SGK2: variants seen among roughly 807,000 people sequenced by gnomAD.
The protein encoded by SGK2 is serum/glucocorticoid regulated kinase 2.
In SGK2, 36 loss-of-function variants were observed where a neutral mutation model predicts 47.5. The observed-to-expected ratio is 0.76, with a 90% CI of 0.58 to 1.00. SGK2 has a LOEUF of 1.00. Ranked by LOEUF, SGK2 falls within the 50% of genes least tolerant of loss-of-function variation. SGK2 has a pLI of 0.00. For synonymous variants in SGK2, 157 were observed against 181.9 expected (o/e 0.86, Z 1.10); for missense variants, 404 against 467.4 (o/e 0.86, Z 1.25).
At chr20:43,576,527 G>A in intron 11 of SGK2, 148 bp downstream of exon 11, 2 of 647,774 alleles carry the variant, frequency 3.1e-6, no homozygotes, top group Non-Finnish European at 5.3e-6. Flanking sequence ...ACTGCTACTA[G>A]CTGACTACTT....
chr20:43,583,120 T>G, intron 12 of SGK2: 7 of 1,205,190 alleles, frequency 5.8e-6, no homozygotes, highest in Non-Finnish European at 7.6e-6. Context: ...AATTCACCAT[T>G]TACATTTCTC....
chr20:43,569,582 C>G, intron 6 of SGK2, 66 bp downstream of exon 6: 1 of 1,560,850 alleles, frequency 6.4e-7, no homozygotes, highest in South Asian at 1.1e-5. Flanking sequence ...ATCCCACATG[C>G]CCACTGCATG....
Position 43,569,327 on chromosome 20 carries a change from G to A in SGK2, c.229-58G>A, listed in dbSNP as rs572252291. The A allele has an allele frequency of 4.8e-4, 760 of 1,598,610 alleles. 10 individuals carry two copies. The South Asian group carries it at 7.0e-3, about 15-fold the overall frequency. Reference sequence around the variant, plus strand: ...CCCACAAGCTTATATGGGCTGAGCCGGGATAAAAGAGGCTGTTGTGGGCTG... The same window carrying A: ...CCCACAAGCTTATATGGGCTGAGCCAGGATAAAAGAGGCTGTTGTGGGCTG... On this transcript the variant is annotated intron_variant, in intron 5 of 12. Transcript: ENST00000373100.
chr20:43,573,019 C>T (rs1382295658), intron 9 of SGK2, among the ~76,000 whole-genome samples: 2 of 152,190 alleles, frequency 1.3e-5, no homozygotes, highest in African/African-American at 4.8e-5. Flanking sequence ...GTGAAGGCCA[C>T]GTGCAACAAG....
At chr20:43,568,745 A>G (rs1436121076) in intron 5 of SGK2, among the ~76,000 whole-genome samples, 1 of 152,222 alleles carries the variant, frequency 6.6e-6, no homozygotes, top group East Asian at 1.9e-4. Flanking sequence ...TGCTGGGATT[A>G]CAGGCATGAG....
chr20:43,584,935 T>C lies in SGK2; in HGVS notation c.1023T>C (p.Thr341=), dbSNP rs1981008547. 6.2e-7 allele frequency: 1 copy of C among 1,614,032 alleles called. No homozygotes were observed. The highest frequency in any genetic ancestry group is 1.3e-5 in the African/African-American group (1 of 74,928). ...AGTCCATTGGCTGTACCCCTGACACTGTGGCCAGCAGCTCTGGGGCCTCAA... is the reference window on the plus strand; with the variant it reads ...AGTCCATTGGCTGTACCCCTGACACCGTGGCCAGCAGCTCTGGGGCCTCAA... ...VSKSIGCTPD[T]VASSSGASSA... The change falls in exon 13 of 13, where the codon ACT becomes ACC. Residue 341 remains threonine (T), a synonymous_variant. Transcript: ENST00000373100.
Position 43,566,506 on chromosome 20 carries a change from G to A in SGK2, c.11G>A (p.Ser4Asn). The stretch of plus-strand genomic sequence containing the variant: ...GATCATTGCTACAGAATGAACTCTA[G>A]CCCAGCTGGGACCCCAAGTCCACAG... MNS[S>N]PAGTPSPQPS... The change falls in exon 2 of 13, where the codon AGC becomes AAC. Residue 4 changes from serine (S) to asparagine (N), a missense_variant. Physicochemically the swap from Ser to Asn is conservative, Grantham distance 46 (BLOSUM62 1). Coordinates refer to ENST00000373100, the MANE Select transcript of SGK2 (RefSeq NM_170693.3). The A allele has an allele frequency of 6.2e-7, 1 of 1,613,884 alleles. No homozygotes were observed. The highest frequency in any genetic ancestry group is 2.2e-5 in the East Asian group (1 of 44,868).
chr20:43,563,269 G>C (rs946220314), intron 1 of SGK2, among the ~76,000 whole-genome samples: 3 of 152,138 alleles, frequency 2.0e-5, no homozygotes, highest in Non-Finnish European at 4.4e-5. Context: ...TAAGCCCTGG[G>C]ATAGGCCTGT....
chr20:43,582,810 C>T (rs1980881103), intron 12 of SGK2, among the ~76,000 whole-genome samples: 1 of 152,192 alleles, frequency 6.6e-6, no homozygotes, highest in Non-Finnish European at 1.5e-5. Flanking sequence ...GCCCCAGCCT[C>T]CCGAGTAGCT....
chr20:43,569,352 G>GTGACA, intron 5 of SGK2, 33 bp from the exon 6 acceptor site: 1 of 1,610,932 alleles, frequency 6.2e-7, no homozygotes. Context: ...GTTGTGGGCT[G>GTGACA]TGACATGGAC....
chr20:43,574,630 G>A (rs1283025769), intron 9 of SGK2, among the ~76,000 whole-genome samples: 1 of 152,206 alleles, frequency 6.6e-6, no homozygotes, highest in African/African-American at 2.4e-5. Context: ...CATGAGTGCA[G>A]CCCCCTTTAC....
chr20:43,566,468 C>G lies in SGK2; in HGVS notation c.-23-5C>G. 1 of 1,614,092 alleles carries G rather than the reference C, an allele frequency of 6.2e-7. No individual in the cohort carries two copies. Among genetic ancestry groups the G allele is most frequent in the Non-Finnish European group, 8.5e-7 (1 of 1,180,006 alleles). On this transcript the variant is annotated splice_polypyrimidine_tract_variant and splice_region_variant and intron_variant, in intron 1 of 12. Coordinates refer to ENST00000373100, the MANE Select transcript of SGK2 (RefSeq NM_170693.3). ...TCTCATGCCTGCTCCTCCCTGTCCCCCCAGAGCTGCCTGATCATTGCTACA... is the reference window on the plus strand; with the variant it reads ...TCTCATGCCTGCTCCTCCCTGTCCCGCCAGAGCTGCCTGATCATTGCTACA...
chr20:43,579,853 A>G (rs1358202468), intron 11 of SGK2, 119 bp from the exon 12 acceptor site: 3 of 744,460 alleles, frequency 4.0e-6, no homozygotes, highest in South Asian at 1.5e-5. Flanking sequence ...CAGAACTGCA[A>G]GTTAATTTCC....
Position 43,559,771 on chromosome 20 carries a change from G to A in SGK2, c.-24+612G>A, listed in dbSNP as rs541615232. ...AAGGTGAGCTGGAAAGACCAGGTTTGTTGGGGAATGTTCCAAGGAGAGAGA... is the reference window on the plus strand; with the variant it reads ...AAGGTGAGCTGGAAAGACCAGGTTTATTGGGGAATGTTCCAAGGAGAGAGA... On this transcript the variant is annotated intron_variant, in intron 1 of 12. Transcript: ENST00000373100. 2.6e-5 allele frequency among the ~76,000 whole-genome samples: 4 copies of A among 152,304 alleles called. No homozygotes were observed. In the East Asian group the frequency reaches 7.7e-4, roughly 29 times the overall value.
At chr20:43,559,636 G>A (rs1477383963) in intron 1 of SGK2, among the ~76,000 whole-genome samples, 1 of 152,214 alleles carries the variant, frequency 6.6e-6, no homozygotes, top group African/African-American at 2.4e-5. Context: ...CTTGAACTGG[G>A]CAGGCGTGTA....
At chr20:43,564,713 A>G (rs1391632161) in intron 1 of SGK2, 1 of 152,666 alleles carries the variant, frequency 6.6e-6, no homozygotes, top group Non-Finnish European at 1.5e-5. Flanking sequence ...CCACACAGAG[A>G]CACGCTGAAA....
At chr20:43,575,199 A>C (rs1299085888) in intron 10 of SGK2, among the ~76,000 whole-genome samples, 195 bp downstream of exon 10, 1 of 152,132 alleles carries the variant, frequency 6.6e-6, no homozygotes, top group African/African-American at 2.4e-5. Context: ...GCGGTGGCTC[A>C]CACCCATAAT....
rs1981017173 is a variant in SGK2 at position 43,585,062 on chromosome 20, G to A, written c.*46G>A. On this transcript the variant is annotated 3_prime_UTR_variant, in exon 13 of 13. Coordinates refer to ENST00000373100, the MANE Select transcript of SGK2 (RefSeq NM_170693.3). The stretch of plus-strand genomic sequence containing the variant: ...TACTGAGGCCAGCTGGTATTAGTAA[G>A]GAATTACCTTCAGCTGCTAGGAAGA... 1 of 1,553,330 alleles carries A rather than the reference G, an allele frequency of 6.4e-7. No individual in the cohort carries two copies.
intron 7 of SGK2, 87 bp downstream of exon 7, chr20:43,570,816 A>G: frequency 7.8e-7 from 1 of 1,288,388 alleles, no homozygotes. Context: ...TCCTGATGAA[A>G]TCCTGGTGGA....
Sources: allele counts gnomAD v4.1 joint callset (sites outside exome capture counted in the v4.1 genomes callset), GRCh38; gene constraint gnomAD v4.1.1; transcripts MANE v1.5; gene names NCBI Gene and HGNC (gene_info 2026-07-23, HGNC 2026-07-21).